Variants in MADD observed in about 807,000 individuals in gnomAD.
MADD encodes MAP kinase-activating death domain protein.
In MADD, 109 loss-of-function variants were observed where a neutral mutation model predicts 176.7. That is an observed-to-expected ratio of 0.62 (90% confidence interval 0.53 to 0.72). The LOEUF is 0.72. Ranked by LOEUF, MADD falls within the 30% of genes least tolerant of loss-of-function variation. MADD has a pLI of 0.00. For synonymous variants in MADD, 771 were observed against 771.3 expected, an observed-to-expected ratio of 1.00 and a Z score of 0.01; for missense variants, 1,914 against 2,045.5, an observed-to-expected ratio of 0.94 and a Z score of 1.24.
chr11:47,284,950 G>A, exon 13 of MADD: 1 of 1,613,740 alleles, frequency 6.2e-7, no homozygotes, highest in African/African-American at 1.3e-5. Flanking sequence ...GGAACCTGCT[G>A]ACTCTACGGA....
At chr11:47,282,131 A>G (rs1234551109) in intron 8 of MADD, among the ~76,000 whole-genome samples, 3 of 152,108 alleles carry the variant, frequency 2.0e-5, no homozygotes, top group Non-Finnish European at 4.4e-5. Context: ...CACCGCACCC[A>G]GCCCAGGGTT....
intron 19 of MADD, 47 bp from the exon 21 acceptor site, chr11:47,292,496 C>T: frequency 2.5e-6 from 4 of 1,578,968 alleles, no homozygotes; most frequent in Non-Finnish European, 3.5e-6. Context: ...TCTGACCAGC[C>T]TCTGACTTTC....
Position 47,317,839 on chromosome 11 carries a change from G to A in MADD, c.4197+2512G>A, listed in dbSNP as rs7113658. Among the ~76,000 whole-genome samples the A allele has an allele frequency of 8.1e-3, 1,228 of 151,396 alleles. 13 individuals carry two copies. Among genetic ancestry groups the A allele is most frequent in the African/African-American group, 0.029 (1,175 of 41,184 alleles). Reference sequence around the variant, plus strand: ...AGGCTGGATGCAGTGGCATGATCTCGGCTCACTGCAACCTATACCTCCCGG... The same window carrying A: ...AGGCTGGATGCAGTGGCATGATCTCAGCTCACTGCAACCTATACCTCCCGG... On this transcript the variant is annotated intron_variant, in intron 27 of 32. Coordinates refer to ENST00000402192, the Ensembl canonical transcript of MADD.
At chr11:47,275,231 A>T in intron 3 of MADD, 72 bp downstream of exon 3, 1 of 1,357,032 alleles carries the variant, frequency 7.4e-7, no homozygotes, top group Non-Finnish European at 1.0e-6. Flanking sequence ...TGAGGGGCAT[A>T]GGAAATTTCC....
In MADD at chr11:47,309,498, T is replaced by C; in HGVS notation, c.3873-9T>C. 1.2e-6 allele frequency: 2 copies of C among 1,614,110 alleles called. No individual in the cohort carries two copies. The highest frequency in any genetic ancestry group is 1.7e-6 in the Non-Finnish European group (2 of 1,179,930). ...TTGAGGGCTGACTTGTGCTTGGTCT[T>C]CTCCTTAGGTACCTGTCCCTTGGAG... On this transcript the variant is annotated splice_polypyrimidine_tract_variant and intron_variant, in intron 24 of 32. Transcript: ENST00000402192.
At chr11:47,285,661 A>T (rs561164048) in intron 14 of MADD, 71 bp downstream of exon 14, 1 of 1,597,854 alleles carries the variant, frequency 6.3e-7, no homozygotes, top group Non-Finnish European at 8.6e-7. Context: ...ACTATGGCAA[A>T]TGTTGCTTAG....
At chr11:47,316,187 A>G (rs896623654) in intron 27 of MADD, among the ~76,000 whole-genome samples, 9 of 152,116 alleles carry the variant, frequency 5.9e-5, no homozygotes, top group African/African-American at 2.2e-4. Flanking sequence ...ACACATATAC[A>G]TAAAGATATC....
At chr11:47,280,931 T>G (rs1472025295) in intron 7 of MADD, among the ~76,000 whole-genome samples, 1 of 152,236 alleles carries the variant, frequency 6.6e-6, no homozygotes, top group Non-Finnish European at 1.5e-5. Flanking sequence ...GTGTTCTAAC[T>G]CCTGCTATTC....
At chr11:47,285,875 T>A (rs994497987) in intron 14 of MADD, among the ~76,000 whole-genome samples, 4 of 152,256 alleles carry the variant, frequency 2.6e-5, no homozygotes, top group African/African-American at 9.6e-5. Flanking sequence ...ACACTTGTAC[T>A]TATATTTTGT....
chr11:47,292,367 G>C (rs937166203), intron 19 of MADD, among the ~76,000 whole-genome samples, 176 bp from the exon 21 acceptor site: 5 of 152,110 alleles, frequency 3.3e-5, no homozygotes, highest in Non-Finnish European at 2.9e-5. Flanking sequence ...TTTGGGTGGA[G>C]GGGTTAGATC....
intron 19 of MADD, among the ~76,000 whole-genome samples, chr11:47,291,439 GGCTC>G (rs2065204839): frequency 6.6e-6 from 1 of 152,098 alleles, no homozygotes; most frequent in Non-Finnish European, 1.5e-5. Context: ...ACCTCTGTTT[GGCTC>G]ACTCCCTGCT....
chr11:47,316,718 A>G (rs1241535957), intron 27 of MADD, among the ~76,000 whole-genome samples: 1 of 151,996 alleles, frequency 6.6e-6, no homozygotes, highest in Non-Finnish European at 1.5e-5. Context: ...AAACAATAAA[A>G]TATGAACACA....
chr11:47,292,711 G>A (rs1289967731), intron 19 of MADD, 115 bp downstream of exon 21: 4 of 945,030 alleles, frequency 4.2e-6, no homozygotes, highest in African/African-American at 1.6e-5. Context: ...CTTAGAGCGT[G>A]TTTGGAATGG....
intron 27 of MADD, among the ~76,000 whole-genome samples, chr11:47,322,598 C>T (rs1281711659): frequency 2.6e-5 from 4 of 151,762 alleles, no homozygotes; most frequent in African/African-American, 7.3e-5. Context: ...GGCGACAGAG[C>T]GAGATCCGTC....
chr11:47,299,555 G>A (rs967268809), intron 22 of MADD, among the ~76,000 whole-genome samples: 3 of 50,684 alleles, frequency 5.9e-5, no homozygotes, highest in Admixed American at 5.3e-4. Context: ...TCACTTATTA[G>A]TTCTGAGTTT....
chr11:47,317,174 T>C (rs1050213364), intron 27 of MADD, among the ~76,000 whole-genome samples: 11 of 152,264 alleles, frequency 7.2e-5, no homozygotes, highest in Admixed American at 5.9e-4. Context: ...GTTTTATGGC[T>C]ACATGTATTC....
chr11:47,297,873 C>T (rs537367212), intron 22 of MADD, among the ~76,000 whole-genome samples: 202 of 148,502 alleles, frequency 1.4e-3, no homozygotes, highest in African/African-American at 4.8e-3. Flanking sequence ...ACTGCAATCT[C>T]CACCTCCCAG....
chr11:47,316,488 A>T (rs2093037001), intron 27 of MADD, among the ~76,000 whole-genome samples: 1 of 147,748 alleles, frequency 6.8e-6, no homozygotes, highest in African/African-American at 2.5e-5. Flanking sequence ...TCCTGGGTTC[A>T]AGCGATTCTC....
rs2093492414 is a variant in MADD at position 47,317,788 on chromosome 11, T to G, written c.4197+2461T>G. 2.0e-5 allele frequency among the ~76,000 whole-genome samples: 3 copies of G among 149,250 alleles called. No homozygotes were observed. In the South Asian group the frequency reaches 6.4e-4, roughly 32 times the overall value. On this transcript the variant is annotated intron_variant, in intron 27 of 32. Transcript: ENST00000402192. ...TTTGTATATAACTTTTTTTTTTTTTTGAGACAGAGTCTCTCTCTATCGCCC... is the reference window on the plus strand; with the variant it reads ...TTTGTATATAACTTTTTTTTTTTTTGGAGACAGAGTCTCTCTCTATCGCCC...
Sources: gnomAD v4.1 joint callset for allele counts (sites outside exome capture counted in the v4.1 genomes callset) on GRCh38, gnomAD v4.1.1 for gene constraint, MANE v1.5 for transcripts, NCBI Gene and HGNC (gene_info 2026-07-23, HGNC 2026-07-21) for gene names.